Variants in FANCM observed in about 807,000 individuals in gnomAD.
FANCM encodes the protein FA complementation group M, also known as Fanconi anemia group M protein.
A neutral mutation model predicts 199.5 loss-of-function variants in FANCM; 140 were observed. The observed-to-expected ratio is 0.70, with a 90% CI of 0.61 to 0.81. The LOEUF is 0.81. Ranked by LOEUF, FANCM falls within the 30% of genes least tolerant of loss-of-function variation. The pLI, the probability that FANCM is intolerant of heterozygous loss-of-function variation, is 0.00. For synonymous variants in FANCM, 840 were observed against 836.8 expected (o/e 1.00, Z -0.07); for missense variants, 2,410 against 2,421.4 (o/e 1.00, Z 0.10).
In FANCM at chr14:45,148,856, C is replaced by T; in HGVS notation, c.779C>T (p.Thr260Ile). 1 of 1,608,688 alleles carries T rather than the reference C, an allele frequency of 6.2e-7. No individual in the cohort carries two copies. The highest frequency in any genetic ancestry group is 8.5e-7 in the Non-Finnish European group (1 of 1,175,658). Residue 260 changes from threonine (T) to isoleucine (I), a missense_variant, in exon 4 of 23, where the codon ACT becomes ATT. Thr to Ile is a moderately conservative substitution (Grantham distance 89, BLOSUM62 -1). Transcript: ENST00000267430. ...ATATAGGCTGTGCAACAAGTTATTA[C>T]TAACCTGCTAATTGGGCAGATAGAG... is the stretch of plus-strand genomic sequence containing the variant. ...SDIKAVQQVI[T>I]NLLIGQIELR... is the part of the protein sequence containing the mutation.
chr14:45,179,312 G>C (rs2139262289), intron 14 of FANCM, among the ~76,000 whole-genome samples: 1 of 152,188 alleles, frequency 6.6e-6, no homozygotes, highest in East Asian at 1.9e-4. Flanking sequence ...TATACCCTCA[G>C]CTCACCCTCA....
rs767085970 is a variant in FANCM, at chr14:45,198,948, T to C, written c.6008+13T>C. 8.9e-6 allele frequency: 14 copies of C among 1,581,542 alleles called. No individual in the cohort carries two copies. In the East Asian group the frequency reaches 2.9e-4, roughly 33 times the overall value. The stretch of plus-strand genomic sequence containing the variant: ...GGATGGCTAACAGGTATGTCTGTTG[T>C]AATATTTTTAAATGATTACTTTTAA... On this transcript the variant is annotated intron_variant, in intron 22 of 22. Transcript: ENST00000267430.
chr14:45,148,977 C>T lies in FANCM; in HGVS notation c.900C>T (p.Ile300=). 1 of 1,613,522 alleles carries T rather than the reference C, an allele frequency of 6.2e-7. No homozygotes were observed. The highest frequency in any genetic ancestry group is 1.1e-5 in the South Asian group (1 of 91,056). The change falls in exon 4 of 23, where the codon ATC becomes ATT. Residue 300 remains isoleucine (I), a synonymous_variant. Transcript: ENST00000267430. ...IVPLGEELAA[I]QKTYIQILES... is the part of the protein sequence containing the mutation. ...CGCTTGGTGAAGAACTTGCAGCCAT[C>T]CAAAAGACCTATATCCAGGTAAACC...
At chr14:45,141,266 C>G (rs1186698797) in intron 3 of FANCM, among the ~76,000 whole-genome samples, 3 of 127,408 alleles carry the variant, frequency 2.4e-5, no homozygotes, top group Non-Finnish European at 4.7e-5. Flanking sequence ...CCAGCCTGGG[C>G]GACAGAGCGA....
chr14:45,198,846 C>A lies in FANCM; in HGVS notation c.5919C>A (p.Leu1973=), dbSNP rs368568579. 5.0e-6 allele frequency: 8 copies of A among 1,610,000 alleles called. No individual in the cohort carries two copies. The African/African-American group carries it at 1.1e-4, about 22-fold the overall frequency. ...TVVNSNKSEA[L]QFYLSIPNIS... ...TGAATAGTAATAAAAGTGAGGCACT[C>A]CAGTTTTATTTAAGTATTCCCAATA... is the stretch of plus-strand genomic sequence containing the variant. The change falls in exon 22 of 23, where the codon CTC becomes CTA. Residue 1973 remains leucine (L), a synonymous_variant. Transcript: ENST00000267430.
At chr14:45,172,893 T>C (rs1888430046) in intron 12 of FANCM, among the ~76,000 whole-genome samples, 162 bp from the exon 13 acceptor site, 1 of 152,228 alleles carries the variant, frequency 6.6e-6, no homozygotes, top group African/African-American at 2.4e-5. Flanking sequence ...CTTTCTGCTT[T>C]ATGAAATTAT....
intron 8 of FANCM, 138 bp from the exon 9 acceptor site, chr14:45,158,958 C>T (rs1198683015): frequency 1.1e-5 from 7 of 619,440 alleles, no homozygotes; most frequent in African/African-American, 1.9e-5. Context: ...AGGTGTGTGC[C>T]ACCACATCCA....
chr14:45,173,988 G>T (rs147109106), intron 13 of FANCM, among the ~76,000 whole-genome samples: 2 of 152,240 alleles, frequency 1.3e-5, no homozygotes, highest in African/African-American at 4.8e-5. Context: ...CTGCTTTATG[G>T]CTATAACCGT....
chr14:45,144,000 G>T (rs1014829519), intron 3 of FANCM, among the ~76,000 whole-genome samples: 7 of 151,896 alleles, frequency 4.6e-5, no homozygotes, highest in Admixed American at 2.0e-4. Flanking sequence ...CTTGAGTAAG[G>T]ATTTTATTGG....
At chr14:45,156,782 G>A (rs1474767300) in intron 8 of FANCM, among the ~76,000 whole-genome samples, 2 of 152,002 alleles carry the variant, frequency 1.3e-5, no homozygotes, top group Admixed American at 1.3e-4. Flanking sequence ...GCTGAGTGTG[G>A]TGGTATGTGC....
chr14:45,150,174 T>C (rs1223828123), intron 4 of FANCM, among the ~76,000 whole-genome samples: 1 of 152,252 alleles, frequency 6.6e-6, no homozygotes, highest in Admixed American at 6.5e-5. Flanking sequence ...TAAGCCTTTC[T>C]TAAAGAGACA....
chr14:45,189,395 A>G, intron 20 of FANCM, 33 bp downstream of exon 20: 1 of 1,477,716 alleles, frequency 6.8e-7, no homozygotes, highest in Non-Finnish European at 9.5e-7. Context: ...ATATCTTTAG[A>G]TGGTTACCAG....
intron 2 of FANCM, 72 bp downstream of exon 2, chr14:45,137,313 A>G (rs369858493): frequency 8.6e-7 from 1 of 1,163,380 alleles, no homozygotes; most frequent in Non-Finnish European, 1.3e-6. Context: ...AATAGTTACT[A>G]GTGATGGAAG....
chr14:45,155,290 G>T, intron 7 of FANCM, 83 bp from the exon 8 acceptor site: 2 of 644,864 alleles, frequency 3.1e-6, no homozygotes, highest in South Asian at 1.7e-5. Flanking sequence ...ATATGCATTG[G>T]AAAAGATAAC....
In FANCM at chr14:45,159,207, T is replaced by C. The variant is rs1222792971; in HGVS notation, c.1508T>C (p.Ile503Thr). 1.9e-6 allele frequency: 3 copies of C among 1,613,882 alleles called. No individual in the cohort carries two copies. The highest frequency in any genetic ancestry group is 2.2e-5 in the South Asian group (2 of 91,070). The stretch of plus-strand genomic sequence containing the variant: ...ATGCTTTCACAGCATCAGCCAATTA[T>C]TAGAGTAATGACTTTTGTCGGCCAT... Reference protein sequence around the residue: ...AEMLSQHQPIIRVMTFVGHAS... With the variant: ...AEMLSQHQPITRVMTFVGHAS... The change falls in exon 9 of 23, where the codon ATT becomes ACT. Residue 503 changes from isoleucine to threonine, a missense_variant. Transcript: ENST00000267430.
intron 11 of FANCM, among the ~76,000 whole-genome samples, chr14:45,168,628 A>G (rs1888135326): frequency 6.7e-6 from 1 of 150,266 alleles, no homozygotes; most frequent in Admixed American, 6.7e-5. Flanking sequence ...ATCTTAGATT[A>G]TGTGATTTAT....
At chr14:45,180,489 C>T (rs548759393) in intron 14 of FANCM, among the ~76,000 whole-genome samples, 4 of 151,770 alleles carry the variant, frequency 2.6e-5, no homozygotes, top group Non-Finnish European at 5.9e-5. Context: ...CTTTGTCACT[C>T]AGGCTAGATT....
chr14:45,150,763 G>A (rs949769955), intron 4 of FANCM, among the ~76,000 whole-genome samples: 6 of 152,126 alleles, frequency 3.9e-5, no homozygotes, highest in African/African-American at 1.4e-4. Context: ...AAATGCATTT[G>A]TTATAATGAA....
In FANCM at chr14:45,199,877, C is replaced by T. The variant is rs1566794123; in HGVS notation, c.6016C>T (p.Gln2006Ter). 6.2e-7 allele frequency: 1 copy of T among 1,612,004 alleles called. No homozygotes were observed. The highest frequency in any genetic ancestry group is 1.3e-5 in the African/African-American group (1 of 74,974). ...SVKRMANSSL[Q>*]EISMYAQVTH... ...GTCTCATTTATTTTTCAGCTCACTT[C>T]AAGAAATCTCCATGTATGCACAAGT... The change falls in exon 23 of 23, where the codon CAA (glutamine) becomes TAA (stop). Residue 2006 changes from glutamine to a stop codon, truncating the protein, a stop_gained. Coordinates refer to ENST00000267430, the MANE Select transcript of FANCM (RefSeq NM_020937.4). LOFTEE classifies it high-confidence loss of function.
Sources: gnomAD v4.1 joint callset for allele counts (sites outside exome capture counted in the v4.1 genomes callset) on GRCh38, gnomAD v4.1.1 for gene constraint, MANE v1.5 for transcripts, NCBI Gene and HGNC (gene_info 2026-07-23, HGNC 2026-07-21) for gene names.